Variants in SYN3 observed in about 807,000 individuals in gnomAD.
The protein encoded by SYN3 is synapsin-3.
SYN3 carries 35 observed loss-of-function variants against 65.8 expected under a neutral mutation model. That is an observed-to-expected ratio of 0.53 (90% CI 0.41 to 0.70). The LOEUF is 0.70. Ranked by LOEUF, SYN3 falls within the 30% of genes least tolerant of loss-of-function variation. The probability of loss-of-function intolerance (pLI) is 0.00; values close to 1 mark genes in which losing one functional copy is unlikely to be tolerated. For missense variants in SYN3, 680 were observed against 749.0 expected (o/e 0.91, Z 1.08); for synonymous variants, 270 against 292.9 (o/e 0.92, Z 0.80).
intron 6 of SYN3, among the ~76,000 whole-genome samples, chr22:32,723,805 CGCTGCCG>C (rs1480658750): frequency 1.3e-5 from 2 of 152,214 alleles, no homozygotes; most frequent in Non-Finnish European, 2.9e-5. Context: ...ACATGCTTGC[CGCTGCCG>C]GCTGCCGCCT....
chr22:32,952,565 G>A (rs1177425282), intron 3 of SYN3, among the ~76,000 whole-genome samples: 1 of 151,820 alleles, frequency 6.6e-6, no homozygotes, highest in Non-Finnish European at 1.5e-5. Flanking sequence ...GACCAGCCTG[G>A]GAAAACATAG....
At chr22:32,878,828 G>A (rs2049049938) in intron 4 of SYN3, among the ~76,000 whole-genome samples, 1 of 152,196 alleles carries the variant, frequency 6.6e-6, no homozygotes, top group South Asian at 2.1e-4. Context: ...GGAGGATGAG[G>A]AGGGAGAAAC....
chr22:32,545,272 A>G (rs1300963578), intron 7 of SYN3, among the ~76,000 whole-genome samples: 5 of 152,218 alleles, frequency 3.3e-5, no homozygotes, highest in Non-Finnish European at 7.3e-5. Context: ...CAGAGCAGAG[A>G]AAGAAAGTCC....
chr22:32,960,241 C>T (rs550796066), intron 3 of SYN3, among the ~76,000 whole-genome samples: 15 of 152,304 alleles, frequency 9.8e-5, no homozygotes, highest in African/African-American at 3.4e-4. Flanking sequence ...CCAACGCAGG[C>T]TCAACCTCCT....
chr22:32,526,464 G>C (rs1383254789), intron 12 of SYN3, among the ~76,000 whole-genome samples: 4 of 151,868 alleles, frequency 2.6e-5, no homozygotes, highest in South Asian at 4.2e-4. Context: ...GACTGGGAAG[G>C]CCACAACATG....
chr22:32,930,703 T>C (rs1363305269), intron 4 of SYN3, among the ~76,000 whole-genome samples: 1 of 152,186 alleles, frequency 6.6e-6, no homozygotes, highest in Non-Finnish European at 1.5e-5. Flanking sequence ...CTCTTCCTTC[T>C]CTAAACCCTC....
intron 1 of SYN3, among the ~76,000 whole-genome samples, chr22:33,027,649 GAGAAAGAAAAGAAAGAAAA>G (rs1257746919): frequency 6.6e-5 from 10 of 151,090 alleles, no homozygotes; most frequent in Non-Finnish European, 1.3e-4. Context: ...GAGAGAGAGA[GAGAAAGAAAAGAAAGAAAA>G]AGAAAGAAAA....
chr22:32,872,675 A>T (rs184761157), intron 4 of SYN3, among the ~76,000 whole-genome samples: 3 of 152,268 alleles, frequency 2.0e-5, no homozygotes, highest in Admixed American at 2.0e-4. Flanking sequence ...GACTATAGAG[A>T]AATTACTGAC....
At chr22:32,551,320 A>C (rs994764242) in intron 7 of SYN3, among the ~76,000 whole-genome samples, 3 of 152,186 alleles carry the variant, frequency 2.0e-5, no homozygotes, top group Non-Finnish European at 4.4e-5. Context: ...GTGATGCAAG[A>C]TAATGGCCCC....
intron 6 of SYN3, among the ~76,000 whole-genome samples, chr22:32,619,579 G>A (rs16990857): frequency 0.076 from 11,589 of 152,198 alleles, 565 homozygotes; most frequent in East Asian, 0.2. Context: ...GGAAAATAGA[G>A]GCTCCCATAG....
chr22:32,685,335 C>T (rs1261356201), intron 6 of SYN3, among the ~76,000 whole-genome samples: 1 of 152,126 alleles, frequency 6.6e-6, no homozygotes, highest in East Asian at 1.9e-4. Flanking sequence ...AAAGTGAGAA[C>T]AAACTTTCTG....
intron 2 of SYN3, among the ~76,000 whole-genome samples, chr22:32,982,574 A>C (rs1349186871): frequency 6.6e-6 from 1 of 152,230 alleles, no homozygotes; most frequent in Non-Finnish European, 1.5e-5. Flanking sequence ...TTGTTTTCAT[A>C]CTATTTATTA....
chr22:32,609,501 G>A (rs1273709965), intron 6 of SYN3, among the ~76,000 whole-genome samples: 2 of 149,220 alleles, frequency 1.3e-5, no homozygotes, highest in African/African-American at 4.9e-5. Context: ...TTAAGAGACA[G>A]GGTCTTTCTC....
chr22:32,802,947 T>TA lies in SYN3; in HGVS notation c.711+61967dup, dbSNP rs1237144184. Among the ~76,000 whole-genome samples, 22 of 152,300 alleles carry TA rather than the reference T, an allele frequency of 1.4e-4. No homozygotes were observed. In the South Asian group the frequency reaches 4.4e-3, roughly 30 times the overall value. ...CACGGTGACAGTTCCAGACTGGACT[T>TA]AGTGTCTTGAGTAGAGAGACCCTGT... is the stretch of plus-strand genomic sequence containing the variant. On this transcript the variant is annotated intron_variant, in intron 6 of 13. Transcript: ENST00000358763.
At chr22:33,051,125 C>T (rs939466825) in intron 1 of SYN3, among the ~76,000 whole-genome samples, 3 of 152,150 alleles carry the variant, frequency 2.0e-5, no homozygotes, top group East Asian at 1.9e-4. Flanking sequence ...GGCTCAGAAA[C>T]GTTCGGTGAC....
chr22:32,946,804 T>C lies in SYN3; in HGVS notation c.370-15323A>G, dbSNP rs138589855. Among the ~76,000 whole-genome samples, 552 of 152,218 alleles carry C rather than the reference T, an allele frequency of 3.6e-3. 3 individuals carry two copies. Among genetic ancestry groups the C allele is most frequent in the African/African-American group, 0.013 (528 of 41,534 alleles). On this transcript the variant is annotated intron_variant, in intron 3 of 13. Coordinates refer to ENST00000358763, the MANE Select transcript of SYN3 (RefSeq NM_003490.4). Reference sequence around the variant, plus strand: ...ATTCTGATTGTTTTAGGGGGGAAAATAGCCATGTTATACATTTGTAGGAGA... The same window carrying C: ...ATTCTGATTGTTTTAGGGGGGAAAACAGCCATGTTATACATTTGTAGGAGA...
At chr22:32,890,548 G>T (rs1447685086) in intron 4 of SYN3, among the ~76,000 whole-genome samples, 3 of 151,714 alleles carry the variant, frequency 2.0e-5, no homozygotes, top group Non-Finnish European at 4.4e-5. Context: ...GCCTGGCTAA[G>T]TTTTTGTATT....
At chr22:32,923,804 A>G (rs966948595) in intron 4 of SYN3, among the ~76,000 whole-genome samples, 1 of 152,224 alleles carries the variant, frequency 6.6e-6, no homozygotes, top group African/African-American at 2.4e-5. Flanking sequence ...TACAAAGCCT[A>G]GTACTCAATA....
At chr22:32,643,562 G>GGC in intron 6 of SYN3, among the ~76,000 whole-genome samples, 1 of 122,032 alleles carries the variant, frequency 8.2e-6, no homozygotes, top group Non-Finnish European at 1.7e-5. Flanking sequence ...GGGGGCGGGG[G>GGC]GGGCAGAACA....
Sources: allele counts gnomAD v4.1 joint callset (sites outside exome capture counted in the v4.1 genomes callset), GRCh38; gene constraint gnomAD v4.1.1; transcripts MANE v1.5; gene names NCBI Gene and HGNC (gene_info 2026-07-23, HGNC 2026-07-21).